The following PWWP2A variants were observed in gnomAD, a reference collection of about 807,000 sequenced individuals.
PWWP2A encodes the protein PWWP domain containing 2A, also known as PWWP domain-containing protein 2A.
Under a neutral mutation model 48.5 loss-of-function variants are expected in PWWP2A, and 18 were observed. That is an observed-to-expected ratio of 0.37 (90% CI 0.26 to 0.55). The LOEUF (loss-of-function observed/expected upper bound fraction) is 0.55, where lower values mean the gene tolerates loss of function less well. Ranked by LOEUF, PWWP2A falls within the 20% of genes least tolerant of loss-of-function variation. PWWP2A has a pLI of 0.81. For missense variants in PWWP2A, 867 were observed against 976.4 expected (o/e 0.89, Z 1.49); for synonymous variants, 396 against 387.7 (o/e 1.02, Z -0.25).
chr5:160,074,092 G>A (rs1034660834), downstream of PWWP2A, among the ~76,000 whole-genome samples: 1 of 149,628 alleles, frequency 6.7e-6, no homozygotes, highest in South Asian at 2.1e-4. Context: ...ATTTCATTCC[G>A]ATTAAGCAAA....
At chr5:160,107,695 T>C (rs892761925) in intron 1 of PWWP2A, among the ~76,000 whole-genome samples, 8 of 152,192 alleles carry the variant, frequency 5.3e-5, no homozygotes, top group African/African-American at 1.9e-4. Flanking sequence ...CAGTCTTATT[T>C]ACAGTAAGAG....
chr5:160,071,692 T>C (rs2113443622), downstream of PWWP2A, among the ~76,000 whole-genome samples: 1 of 152,316 alleles, frequency 6.6e-6, no homozygotes, highest in South Asian at 2.1e-4. Flanking sequence ...CTCTCCAGAT[T>C]GCCCTTGGCT....
chr5:160,105,395 G>T (rs1487830776), intron 1 of PWWP2A, among the ~76,000 whole-genome samples: 1 of 149,524 alleles, frequency 6.7e-6, no homozygotes, highest in Non-Finnish European at 1.5e-5. Flanking sequence ...AAAATTAGCC[G>T]GGCACGGAGG....
chr5:160,060,315 A>C (rs1757663857), downstream of PWWP2A, among the ~76,000 whole-genome samples: 1 of 152,230 alleles, frequency 6.6e-6, no homozygotes, highest in Non-Finnish European at 1.5e-5. Context: ...ATAACAAATC[A>C]ATTGGGTTAT....
At chr5:160,062,803 G>A (rs984463322) in intron 5 of PWWP2A, among the ~76,000 whole-genome samples, 10 of 151,470 alleles carry the variant, frequency 6.6e-5, no homozygotes, top group Admixed American at 1.3e-4. Flanking sequence ...GGCTGCTTTT[G>A]ATGGTTTTTT....
chr5:160,108,279 C>T (rs1279290125), intron 1 of PWWP2A, among the ~76,000 whole-genome samples: 1 of 152,106 alleles, frequency 6.6e-6, no homozygotes, highest in Non-Finnish European at 1.5e-5. Flanking sequence ...CATATTAATG[C>T]AACATGCAAT....
At chr5:160,089,745 C>A (rs1298139009), downstream of PWWP2A, 7 of 1,213,868 alleles carry the variant, frequency 5.8e-6, no homozygotes, top group Non-Finnish European at 7.3e-6. Flanking sequence ...TTAGCCACGA[C>A]TCTTACTTAA....
At chr5:160,051,137 T>C in the PWWP2A span, 1 of 1,602,736 alleles carries the variant, frequency 6.2e-7, no homozygotes, top group Admixed American at 1.7e-5. Context: ...AGAGATTACC[T>C]AAGCAAATTG....
chr5:160,098,840 C>T (rs748171487), intron 1 of PWWP2A, among the ~76,000 whole-genome samples: 3 of 152,112 alleles, frequency 2.0e-5, no homozygotes, highest in African/African-American at 7.2e-5. Context: ...TGGTGGTGCA[C>T]GCCTGTAATC....
chr5:160,084,739 G>A (rs1169291613), intron 2 of PWWP2A, among the ~76,000 whole-genome samples: 2 of 152,072 alleles, frequency 1.3e-5, no homozygotes. Flanking sequence ...TCCTAAAAAT[G>A]TTAATGAATG....
In PWWP2A at chr5:160,078,530, T is replaced by G. The variant is rs187501531; in HGVS notation, c.1670-362A>C. 2.6e-5 allele frequency among the ~76,000 whole-genome samples: 4 copies of G among 152,300 alleles called. No individual in the cohort carries two copies. The East Asian group carries it at 7.7e-4, about 29-fold the overall frequency. ...CTTATATCGCCATTTCACAGTACAG[T>G]GCTCTGAGAGTCAGCTTAGTTGCTG... On this transcript the variant is annotated intron_variant, in intron 3 of 3. Coordinates refer to the PWWP2A transcript ENST00000456329. This position sits in a 1 kb window ranked among gnomAD's most constrained non-coding sequence, Gnocchi z 4.2.
chr5:160,113,158 CAAAAA>C, intron 1 of PWWP2A: 1 of 737,864 alleles, frequency 1.4e-6, no homozygotes, highest in Non-Finnish European at 1.6e-6. Flanking sequence ...GACTCTGTGT[CAAAAA>C]AAAAAAAGAA....
the PWWP2A span, chr5:160,049,369 A>G: frequency 1.5e-4 from 105 of 691,832 alleles, no homozygotes; most frequent in African/African-American, 1.8e-3. Flanking sequence ...CTTTATAGAA[A>G]AAGTTTTCCA....
At chr5:160,048,769 A>T in the PWWP2A span, among the ~76,000 whole-genome samples, 2 of 152,030 alleles carry the variant, frequency 1.3e-5, no homozygotes, top group African/African-American at 4.8e-5. Flanking sequence ...TGGCCAACAT[A>T]ATGAAACCCC....
At chr5:160,049,826 C>T in the PWWP2A span, among the ~76,000 whole-genome samples, 1 of 152,076 alleles carries the variant, frequency 6.6e-6, no homozygotes, top group Non-Finnish European at 1.5e-5. Context: ...GCCTGTAATC[C>T]CAGCACTTTA....
chr5:160,063,094 A>G (rs1753478661), intron 5 of PWWP2A, among the ~76,000 whole-genome samples: 1 of 152,134 alleles, frequency 6.6e-6, no homozygotes, highest in South Asian at 2.1e-4. Context: ...AGGTTCTGGG[A>G]GCTTTCTCAA....
chr5:160,074,697 G>C (rs1753825067), downstream of PWWP2A, among the ~76,000 whole-genome samples: 1 of 151,228 alleles, frequency 6.6e-6, no homozygotes, highest in Non-Finnish European at 1.5e-5. Context: ...AGTGAGCCAA[G>C]ATCGTGCCAT....
At chr5:160,063,225 G>A (rs893507438) in intron 5 of PWWP2A, among the ~76,000 whole-genome samples, 1 of 152,146 alleles carries the variant, frequency 6.6e-6, no homozygotes, top group Non-Finnish European at 1.5e-5. Flanking sequence ...CCTGTAAAAT[G>A]TAAAGGCCAT....
chr5:160,104,237 G>A (rs1316064726), intron 1 of PWWP2A, among the ~76,000 whole-genome samples: 2 of 151,634 alleles, frequency 1.3e-5, no homozygotes, highest in Admixed American at 1.3e-4. Context: ...CAGGAATTTT[G>A]AGATCAGCCT....
Sources: gnomAD v4.1 joint callset for allele counts (sites outside exome capture counted in the v4.1 genomes callset) on GRCh38, gnomAD v4.1.1 for gene constraint, Gnocchi (gnomAD v3.1) non-coding constraint, MANE v1.5 for transcripts, NCBI Gene and HGNC (gene_info 2026-07-23, HGNC 2026-07-21) for gene names.